Variants in RPS6KC1 observed in about 807,000 individuals in gnomAD.
RPS6KC1 encodes the protein ribosomal protein S6 kinase C1.
A neutral mutation model predicts 103.8 loss-of-function variants in RPS6KC1; 54 were observed. The observed-to-expected ratio is 0.52, with a 90% CI of 0.42 to 0.65. RPS6KC1 has a LOEUF of 0.65. RPS6KC1 is among the 30% of genes least tolerant of loss of function. The probability of loss-of-function intolerance (pLI) is 0.00; values close to 1 mark genes in which losing one functional copy is unlikely to be tolerated. For missense variants in RPS6KC1, 1,151 were observed against 1,253.8 expected (o/e 0.92, Z 1.24); for synonymous variants, 439 against 438.7 (o/e 1.00, Z -0.01).
the RPS6KC1 span, among the ~76,000 whole-genome samples, chr1:213,470,295 T>A: frequency 1.3e-5 from 2 of 152,210 alleles, no homozygotes; most frequent in Admixed American, 1.3e-4. Flanking sequence ...AACAGGTGAT[T>A]GGTTCTGTAA....
chr1:213,163,895 T>C (rs2148119758), intron 6 of RPS6KC1, among the ~76,000 whole-genome samples: 1 of 152,364 alleles, frequency 6.6e-6, no homozygotes, highest in South Asian at 2.1e-4. Flanking sequence ...GGCACCTTTC[T>C]CAAATTCTTA....
the RPS6KC1 span, among the ~76,000 whole-genome samples, chr1:213,421,234 C>T: frequency 6.6e-6 from 1 of 152,144 alleles, no homozygotes; most frequent in Non-Finnish European, 1.5e-5. Context: ...GCCCCAGCCT[C>T]CCGAGTAGCT....
At chr1:213,641,043 G>A in the RPS6KC1 span, among the ~76,000 whole-genome samples, 1 of 151,798 alleles carries the variant, frequency 6.6e-6, no homozygotes, top group East Asian at 1.9e-4. Flanking sequence ...GAATTGTTAT[G>A]TCTTTTTGGT....
chr1:213,567,434 T>C, the RPS6KC1 span, among the ~76,000 whole-genome samples: 1 of 152,246 alleles, frequency 6.6e-6, no homozygotes, highest in Non-Finnish European at 1.5e-5. Context: ...TGACATAATC[T>C]GGCAGCTCTC....
intron 8 of RPS6KC1, among the ~76,000 whole-genome samples, chr1:213,214,729 G>A (rs1000292913): frequency 2.0e-5 from 3 of 152,180 alleles, no homozygotes; most frequent in Non-Finnish European, 2.9e-5. Context: ...AATATTCGCT[G>A]TTCTGCAGCC....
chr1:213,533,399 T>A, the RPS6KC1 span, among the ~76,000 whole-genome samples: 1 of 152,194 alleles, frequency 6.6e-6, no homozygotes. Flanking sequence ...TCATGTGGGT[T>A]GCTAGAATCA....
At chr1:213,362,665 G>A in the RPS6KC1 span, among the ~76,000 whole-genome samples, 1 of 152,204 alleles carries the variant, frequency 6.6e-6, no homozygotes, top group Non-Finnish European at 1.5e-5. Context: ...TTAATTTTAT[G>A]TGTCAACTTG....
At chr1:213,366,216 G>A in the RPS6KC1 span, among the ~76,000 whole-genome samples, 1 of 152,166 alleles carries the variant, frequency 6.6e-6, no homozygotes, top group Non-Finnish European at 1.5e-5. Flanking sequence ...TGACTTGAAT[G>A]CTTAACTGGA....
chr1:213,791,964 T>C, the RPS6KC1 span, among the ~76,000 whole-genome samples: 1 of 152,306 alleles, frequency 6.6e-6, no homozygotes, highest in Non-Finnish European at 1.5e-5. Flanking sequence ...GTACGCCATG[T>C]TCAGGCAAAG....
At chr1:213,087,765 C>A (rs1255298514) in intron 3 of RPS6KC1, among the ~76,000 whole-genome samples, 2 of 152,186 alleles carry the variant, frequency 1.3e-5, no homozygotes, top group African/African-American at 4.8e-5. Context: ...CTATTGGAGA[C>A]TGAGTTTCTA....
chr1:213,332,643 TGTGGTGGCTGTGGC>T, the RPS6KC1 span, among the ~76,000 whole-genome samples: 1 of 152,152 alleles, frequency 6.6e-6, no homozygotes, highest in East Asian at 1.9e-4. Flanking sequence ...TCAGCTCCTC[TGTGGTGGCTGTGGC>T]AGAGGCACAG....
At chr1:213,491,181 C>T in the RPS6KC1 span, among the ~76,000 whole-genome samples, 1 of 152,136 alleles carries the variant, frequency 6.6e-6, no homozygotes, top group Admixed American at 6.5e-5. Flanking sequence ...GCCCATTAAT[C>T]TATCAGCAGC....
At chr1:213,597,569 G>A in the RPS6KC1 span, among the ~76,000 whole-genome samples, 2 of 152,210 alleles carry the variant, frequency 1.3e-5, no homozygotes, top group African/African-American at 4.8e-5. Context: ...TCAGCAGGAC[G>A]ATCCATGGCA....
At chr1:213,088,736 C>A (rs1190832019) in intron 3 of RPS6KC1, among the ~76,000 whole-genome samples, 2 of 152,146 alleles carry the variant, frequency 1.3e-5, no homozygotes, top group South Asian at 4.2e-4. Flanking sequence ...TTGATTGAAC[C>A]CTATATTGAT....
the RPS6KC1 span, among the ~76,000 whole-genome samples, chr1:213,281,714 CT>C: frequency 1.3e-5 from 2 of 152,220 alleles, no homozygotes; most frequent in Non-Finnish European, 2.9e-5. Context: ...CTTATCTCCA[CT>C]GTGGGCTATC....
chr1:213,211,584 G>A (rs182230659), intron 8 of RPS6KC1, among the ~76,000 whole-genome samples: 237 of 152,252 alleles, frequency 1.6e-3, no homozygotes, highest in African/African-American at 5.6e-3. Flanking sequence ...AGTAATAGAT[G>A]TATTGGCCTA....
At chr1:213,175,565 G>C (rs1486895270) in intron 7 of RPS6KC1, among the ~76,000 whole-genome samples, 2 of 152,144 alleles carry the variant, frequency 1.3e-5, no homozygotes, top group African/African-American at 4.8e-5. Context: ...GGTGCCCTTA[G>C]AATTTATCTA....
intron 6 of RPS6KC1, among the ~76,000 whole-genome samples, chr1:213,152,016 C>T (rs1204135443): frequency 1.5e-5 from 2 of 133,628 alleles, no homozygotes; most frequent in Non-Finnish European, 3.2e-5. Context: ...GCAGAGGCGC[C>T]CCTCACCTCC....
At chr1:213,340,695 A>G in the RPS6KC1 span, among the ~76,000 whole-genome samples, 1 of 152,270 alleles carries the variant, frequency 6.6e-6, no homozygotes, top group South Asian at 2.1e-4. Flanking sequence ...TGCAAATGGC[A>G]AATCTTTCAT....
Sources: allele counts gnomAD v4.1 joint callset (sites outside exome capture counted in the v4.1 genomes callset), GRCh38; gene constraint gnomAD v4.1.1; transcripts MANE v1.5; gene names NCBI Gene and HGNC (gene_info 2026-07-23, HGNC 2026-07-21).